AXL: variants seen among roughly 807,000 people sequenced by gnomAD.
The protein encoded by AXL is tyrosine-protein kinase receptor UFO.
AXL carries 52 observed loss-of-function variants against 104.5 expected under a neutral mutation model. The ratio of observed to expected loss-of-function variants is 0.50; its 90% CI spans 0.40 to 0.63. The LOEUF (loss-of-function observed/expected upper bound fraction) is 0.63. Ranked by LOEUF, AXL falls within the 20% of genes least tolerant of loss-of-function variation. The probability of loss-of-function intolerance (pLI) is 0.00; values close to 1 mark genes in which losing one functional copy is unlikely to be tolerated. For synonymous variants in AXL, 455 were observed against 473.7 expected (o/e 0.96, Z 0.51); for missense variants, 1,024 against 1,188.5 (o/e 0.86, Z 2.04).
intron 4 of AXL, among the ~76,000 whole-genome samples, chr19:41,229,514 C>G (rs2033939375): frequency 6.6e-6 from 1 of 152,208 alleles, no homozygotes; most frequent in Non-Finnish European, 1.5e-5. Context: ...ATCCTCCTGA[C>G]TCAGCCTCCC....
chr19:41,232,964 C>T (rs2034016933), intron 6 of AXL, among the ~76,000 whole-genome samples: 2 of 152,140 alleles, frequency 1.3e-5, no homozygotes, highest in South Asian at 4.1e-4. Flanking sequence ...ATGCTCCTAA[C>T]CTCCTTAGAA....
chr19:41,261,018 AG>A lies in AXL; in HGVS notation c.*1117del, dbSNP rs1188755958. 1 of 152,314 alleles carries A rather than the reference AG, an allele frequency of 6.6e-6. No individual in the cohort carries two copies. The highest frequency in any genetic ancestry group is 2.4e-5 in the African/African-American group (1 of 41,558). The allele number at this position is 152,314 out of a possible 1,614,324, so 9.4% of individuals were successfully genotyped here. On this transcript the variant is annotated 3_prime_UTR_variant, in exon 20 of 20. Transcript: ENST00000301178. ...CTCTTGTATAAGATCCTAGATCCTAAGGGTCGAAAGCTCTAGAATCTGCAAT... is the reference window on the plus strand; with the variant it reads ...CTCTTGTATAAGATCCTAGATCCTAAGGTCGAAAGCTCTAGAATCTGCAAT...
At chr19:41,221,426 TAA>T (rs2033789265) in intron 3 of AXL, 180 bp downstream of exon 3, 4 of 579,264 alleles carry the variant, frequency 6.9e-6, no homozygotes, top group East Asian at 6.0e-5. Context: ...GGAGTCCATA[TAA>T]GTTATGGTGC....
chr19:41,239,425 G>A, intron 9 of AXL, 111 bp downstream of exon 9: 1 of 1,440,792 alleles, frequency 6.9e-7, no homozygotes, highest in East Asian at 2.3e-5. Flanking sequence ...TTCCTACCCT[G>A]AGCCTTACTG....
At chr19:41,226,518 T>G (rs12462203) in intron 4 of AXL, among the ~76,000 whole-genome samples, 1 of 152,036 alleles carries the variant, frequency 6.6e-6, no homozygotes. Flanking sequence ...TACCCTCCCC[T>G]TTCCGGCCTC....
At chr19:41,223,395 A>T (rs2033827144) in intron 4 of AXL, among the ~76,000 whole-genome samples, 1 of 152,168 alleles carries the variant, frequency 6.6e-6, no homozygotes, top group South Asian at 2.1e-4. Flanking sequence ...CATGCAGACG[A>T]GGAAGGACCG....
At chr19:41,254,390 AAAAGAAAGAAAG>A (rs1261812707) in intron 17 of AXL, among the ~76,000 whole-genome samples, 7 of 145,372 alleles carry the variant, frequency 4.8e-5, no homozygotes, top group Non-Finnish European at 7.5e-5. Context: ...AAAAAAAAAA[AAAAGAAAGAAAG>A]AAAGAAAGAA....
intron 14 of AXL, among the ~76,000 whole-genome samples, chr19:41,249,151 G>C (rs1001011621): frequency 8.5e-5 from 13 of 152,300 alleles, no homozygotes; most frequent in Middle Eastern, 6.8e-3. Flanking sequence ...TGGTATCACA[G>C]AGTTAGAGGC....
chr19:41,241,564 GAAAGAAAGAAAA>G (rs1324766934), intron 10 of AXL, among the ~76,000 whole-genome samples: 2 of 128,482 alleles, frequency 1.6e-5, no homozygotes, highest in Non-Finnish European at 3.4e-5. Flanking sequence ...AAAAAAGAAA[GAAAGAAAGAAAA>G]AAAGAAAGAA....
At position 41,221,207 on chromosome 19, in the gene AXL, C is replaced by G. The variant is rs765391793; in HGVS notation, c.370C>G (p.Gln124Glu). The change falls in exon 3 of 20, where the codon CAG becomes GAG. Residue 124 changes from glutamine to glutamate, a missense_variant. Physicochemically the swap from Gln to Glu is conservative, Grantham distance 29. Transcript: ENST00000301178. Reference sequence around the variant, plus strand: ...CCAGTGTTTGGTGTTTCTGGGACATCAGACCTTCGTGTCCCAGCCTGGCTA... The same window carrying G: ...CCAGTGTTTGGTGTTTCTGGGACATGAGACCTTCGTGTCCCAGCCTGGCTA... ...QYQCLVFLGH[Q>E]TFVSQPGYVG... 21 of 1,614,096 alleles carry G rather than the reference C, an allele frequency of 1.3e-5. No homozygotes were observed. Among genetic ancestry groups the G allele is most frequent in the Non-Finnish European group, 1.5e-5 (18 of 1,180,012 alleles).
chr19:41,244,600 C>A (rs2034240951), intron 12 of AXL, among the ~76,000 whole-genome samples: 1 of 152,266 alleles, frequency 6.6e-6, no homozygotes, highest in Non-Finnish European at 1.5e-5. Flanking sequence ...ATGCCTCGGC[C>A]TCCCGAATAG....
At chr19:41,221,775 C>T in intron 3 of AXL, 105 bp from the exon 4 acceptor site, 1 of 1,283,418 alleles carries the variant, frequency 7.8e-7, no homozygotes, top group South Asian at 1.5e-5. Context: ...GTCAATGACC[C>T]TGCAGGGTGG....
At chr19:41,239,879 A>G (rs2034150683) in intron 10 of AXL, among the ~76,000 whole-genome samples, 159 bp downstream of exon 10, 2 of 152,224 alleles carry the variant, frequency 1.3e-5, no homozygotes, top group African/African-American at 4.8e-5. Context: ...AGGTGCCTAT[A>G]ATGGCCTAGC....
At position 41,220,788 on chromosome 19, in the gene AXL, G is replaced by C. The variant is rs1390016985; in HGVS notation, c.238G>C (p.Asp80His). ...LRDGQILELA[D>H]STQTQVPLGE... ...GGATGGACAGATCCTGGAGCTCGCGGACAGCACCCAGACCCAGGTGCCCCT... is the reference window on the plus strand; with the variant it reads ...GGATGGACAGATCCTGGAGCTCGCGCACAGCACCCAGACCCAGGTGCCCCT... Residue 80 changes from aspartate to histidine, a missense_variant, in exon 2 of 20, where the codon GAC (aspartate) becomes CAC (histidine). Asp to His is a moderately conservative substitution (Grantham distance 81). This residue lies in a region of AXL where 124 missense variants were observed against 115.5 expected (regional missense o/e 1.07). Transcript: ENST00000301178. 1 of 1,614,138 alleles carries C rather than the reference G, an allele frequency of 6.2e-7. No individual in the cohort carries two copies. The highest frequency in any genetic ancestry group is 8.5e-7 in the Non-Finnish European group (1 of 1,180,010).
At chr19:41,220,534 G>C (rs2033770189) in intron 1 of AXL, 102 bp from the exon 2 acceptor site, 1 of 1,004,380 alleles carries the variant, frequency 1.0e-6, no homozygotes, top group South Asian at 1.6e-5. Flanking sequence ...CTAAGGGCCT[G>C]GCGGGGTCCT....
intron 17 of AXL, among the ~76,000 whole-genome samples, chr19:41,254,520 CA>C (rs926969494): frequency 2.0e-5 from 3 of 146,400 alleles, no homozygotes; most frequent in African/African-American, 2.5e-5. Context: ...GACACCATCT[CA>C]AAAAAAAAGA....
intron 4 of AXL, among the ~76,000 whole-genome samples, chr19:41,229,177 C>T (rs1386960972): frequency 2.0e-5 from 3 of 152,100 alleles, no homozygotes; most frequent in African/African-American, 4.8e-5. Flanking sequence ...TCTCGAACTT[C>T]GGACCTCAGG....
Position 41,219,291 on chromosome 19 carries a change from C to T in AXL, c.-102C>T. On this transcript the variant is annotated 5_prime_UTR_variant, in exon 1 of 20. Transcript: ENST00000301178. ...TGCCGCTGTGCCAGGCAGGCAGTGCCAAATCCGGGGAGCCTGGAGCTGGGG... is the reference window on the plus strand; with the variant it reads ...TGCCGCTGTGCCAGGCAGGCAGTGCTAAATCCGGGGAGCCTGGAGCTGGGG... The T allele has an allele frequency of 8.3e-7, 1 of 1,211,466 alleles. No homozygotes were observed. The highest frequency in any genetic ancestry group is 1.1e-6 in the Non-Finnish European group (1 of 876,984). 75.0% of individuals were successfully genotyped at this position (1,211,466 alleles called of 1,614,324 possible).
At chr19:41,227,976 C>T (rs2122212778) in intron 4 of AXL, among the ~76,000 whole-genome samples, 1 of 152,210 alleles carries the variant, frequency 6.6e-6, no homozygotes, top group Admixed American at 6.5e-5. Flanking sequence ...CATCACAGTA[C>T]TCAGAACGGC....
Sources: gnomAD v4.1 joint callset for allele counts (sites outside exome capture counted in the v4.1 genomes callset) on GRCh38, gnomAD v4.1.1 for gene constraint, gnomAD v4.1.1 regional missense constraint, MANE v1.5 for transcripts, NCBI Gene and HGNC (gene_info 2026-07-23, HGNC 2026-07-21) for gene names.